Variants in FAM120B observed in about 807,000 individuals in gnomAD.
The protein encoded by FAM120B is family with sequence similarity 120 member B, also known as constitutive coactivator of peroxisome proliferator-activated receptor gamma.
FAM120B carries 83 observed loss-of-function variants against 96.3 expected under a neutral mutation model. The observed-to-expected ratio is 0.86, with a 90% CI of 0.72 to 1.03. The LOEUF is 1.03. Among genes scored for constraint, FAM120B ranks in the 50% least tolerant of loss-of-function variants. The pLI, the probability that FAM120B is intolerant of heterozygous loss-of-function variation, is 0.00. For missense variants in FAM120B, 1,027 were observed against 1,121.2 expected, an observed-to-expected ratio of 0.92 and a Z score of 1.20; for synonymous variants, 407 against 402.7, an observed-to-expected ratio of 1.01 and a Z score of -0.13.
intron 2 of FAM120B, among the ~76,000 whole-genome samples, chr6:170,320,706 A>G (rs1308431055): frequency 2.0e-5 from 3 of 152,222 alleles, no homozygotes; most frequent in East Asian, 1.9e-4. Context: ...TATTACTGGC[A>G]AGAGACAGAC....
intron 9 of FAM120B, among the ~76,000 whole-genome samples, chr6:170,396,286 G>C (rs1778157653): frequency 6.6e-6 from 1 of 152,184 alleles, no homozygotes; most frequent in African/African-American, 2.4e-5. Flanking sequence ...CAAGTCTTCA[G>C]TGTGAATCCA....
At chr6:170,304,241 G>T (rs1188252640), upstream of FAM120B, among the ~76,000 whole-genome samples, 1 of 152,222 alleles carries the variant, frequency 6.6e-6, no homozygotes, top group Non-Finnish European at 1.5e-5. Context: ...GAATTTTGAA[G>T]TTAATGCCCT....
In FAM120B at chr6:170,318,921, T is replaced by G. The variant is rs9348266; in HGVS notation, c.1531T>G (p.Cys511Gly). ...GHESKQEVPI[C>G]TDPISKQEDS... Reference sequence around the variant, plus strand: ...TGAATCCAAACAGGAAGTTCCCATATGTACAGATCCTATATCCAAGCAAGA... The same window carrying G: ...TGAATCCAAACAGGAAGTTCCCATAGGTACAGATCCTATATCCAAGCAAGA... Residue 511 changes from cysteine to glycine, a missense_variant, in exon 2 of 11, where the codon TGT becomes GGT. Around this residue, in one of 3 missense-constraint regions of FAM120B, gnomAD observed 880 missense variants for 980.9 expected, o/e 0.90. Coordinates refer to ENST00000476287, the MANE Select transcript of FAM120B (RefSeq NM_032448.3). 0.14 allele frequency: 231,367 copies of G among 1,614,104 alleles called. 17,960 individuals are homozygous for G. The highest frequency in any genetic ancestry group is 0.31 in the East Asian group (13,707 of 44,854).
intron 9 of FAM120B, among the ~76,000 whole-genome samples, chr6:170,398,292 A>G (rs548086257): frequency 1.3e-5 from 2 of 152,398 alleles, no homozygotes; most frequent in South Asian, 2.1e-4. Flanking sequence ...AGACATTAGT[A>G]AAGTGTAACT....
chr6:170,320,697 A>G (rs1254734717), intron 2 of FAM120B, among the ~76,000 whole-genome samples: 1 of 152,228 alleles, frequency 6.6e-6, no homozygotes, highest in Non-Finnish European at 1.5e-5. Flanking sequence ...CTAAAGTTCT[A>G]TTACTGGCAA....
intron 6 of FAM120B, among the ~76,000 whole-genome samples, chr6:170,372,671 A>G (rs1006654667): frequency 2.6e-5 from 4 of 152,134 alleles, no homozygotes; most frequent in African/African-American, 9.7e-5. Flanking sequence ...TTCTGCCCTC[A>G]TGGAGCATCT....
At chr6:170,352,733 G>A (rs1787659257) in intron 5 of FAM120B, among the ~76,000 whole-genome samples, 1 of 152,116 alleles carries the variant, frequency 6.6e-6, no homozygotes, top group African/African-American at 2.4e-5. Flanking sequence ...AGAATCTCTG[G>A]GCTGCAGCTA....
intron 4 of FAM120B, among the ~76,000 whole-genome samples, chr6:170,340,799 T>TGGTATCACCA (rs1057214910): frequency 3.9e-5 from 6 of 152,194 alleles, no homozygotes; most frequent in African/African-American, 1.4e-4. Flanking sequence ...CCTGTTTGCC[T>TGGTATCACCA]GGTATCACCA....
intron 4 of FAM120B, among the ~76,000 whole-genome samples, chr6:170,344,632 C>T (rs145958003): frequency 2.8e-4 from 43 of 152,366 alleles, no homozygotes; most frequent in African/African-American, 8.9e-4. Context: ...TGGATGTCCC[C>T]GCCACCACCT....
At chr6:170,315,956 A>C (rs1784872701) in intron 1 of FAM120B, among the ~76,000 whole-genome samples, 1 of 148,638 alleles carries the variant, frequency 6.7e-6, no homozygotes, top group Non-Finnish European at 1.5e-5. Flanking sequence ...GTGTGGTGGC[A>C]GCTAAGACAA....
At chr6:170,302,834 G>A (rs1223171251), upstream of FAM120B, among the ~76,000 whole-genome samples, 1 of 152,208 alleles carries the variant, frequency 6.6e-6, no homozygotes, top group African/African-American at 2.4e-5. Flanking sequence ...AGCAGGATGT[G>A]GATAATCCTA....
intron 1 of FAM120B, among the ~76,000 whole-genome samples, chr6:170,301,232 C>A (rs572523602): frequency 4.6e-5 from 7 of 152,362 alleles, no homozygotes; most frequent in African/African-American, 1.4e-4. Flanking sequence ...AGGACCAATA[C>A]CACATGGAAT....
chr6:170,343,028 T>C (rs935695220), intron 4 of FAM120B, among the ~76,000 whole-genome samples: 6 of 152,350 alleles, frequency 3.9e-5, no homozygotes, highest in African/African-American at 1.4e-4. Context: ...TCCTTTAAAC[T>C]GAAATTACTT....
intron 1 of FAM120B, among the ~76,000 whole-genome samples, chr6:170,313,654 C>T (rs1438691427): frequency 1.3e-5 from 2 of 152,236 alleles, no homozygotes; most frequent in African/African-American, 2.4e-5. Flanking sequence ...GTTTTATTGT[C>T]TCCAGCTTAC....
chr6:170,339,847 CAG>C (rs1786698124), intron 4 of FAM120B, among the ~76,000 whole-genome samples: 2 of 151,416 alleles, frequency 1.3e-5, no homozygotes. Flanking sequence ...AGGGTTTCTG[CAG>C]AGAGATCTGC....
chr6:170,307,169 C>T (rs77894025), intron 1 of FAM120B, among the ~76,000 whole-genome samples: 2,132 of 152,364 alleles, frequency 0.014, 45 homozygotes, highest in African/African-American at 0.049. Context: ...TACTCCCTCC[C>T]TTAAGATGTG....
chr6:170,386,122 T>G (rs1412239224), intron 6 of FAM120B, among the ~76,000 whole-genome samples: 1 of 151,898 alleles, frequency 6.6e-6, no homozygotes, highest in Non-Finnish European at 1.5e-5. Flanking sequence ...AACTGTGGAC[T>G]TGAGGGACAT....
chr6:170,361,956 G>C (rs1467372902), intron 6 of FAM120B, among the ~76,000 whole-genome samples: 1 of 151,930 alleles, frequency 6.6e-6, no homozygotes, highest in Non-Finnish European at 1.5e-5. Context: ...ACCACACCCG[G>C]CTAATTTTTG....
intron 7 of FAM120B, among the ~76,000 whole-genome samples, chr6:170,389,237 A>G (rs1234146842): frequency 2.6e-5 from 4 of 152,208 alleles, no homozygotes; most frequent in African/African-American, 9.6e-5. Flanking sequence ...TATGTCTCAT[A>G]TACTCCTTAT....
Sources: gnomAD v4.1 joint callset for allele counts (sites outside exome capture counted in the v4.1 genomes callset) on GRCh38, gnomAD v4.1.1 for gene constraint, gnomAD v4.1.1 regional missense constraint, MANE v1.5 for transcripts, NCBI Gene and HGNC (gene_info 2026-07-23, HGNC 2026-07-21) for gene names.